The following TMEM267 variants were observed in gnomAD, a reference collection of about 807,000 sequenced individuals.
TMEM267 encodes transmembrane protein 267, also known as transmembrane protein C5orf28.
In TMEM267, 20 loss-of-function variants were observed where a neutral mutation model predicts 19.3. The ratio of observed to expected loss-of-function variants is 1.04; its 90% CI spans 0.73 to 1.51. The LOEUF is 1.51. TMEM267 is among the 40% of genes most tolerant of loss of function. TMEM267 has a pLI of 0.00. For synonymous variants in TMEM267, 88 were observed against 90.3 expected (o/e 0.97, Z 0.15); for missense variants, 242 against 261.9 (o/e 0.92, Z 0.52).
intron 1 of TMEM267, among the ~76,000 whole-genome samples, chr5:43,467,146 CAAAAAA>C (rs70994698): frequency 8.2e-5 from 4 of 49,010 alleles, no homozygotes; most frequent in Non-Finnish European, 1.8e-4. Context: ...GAGACTCTGT[CAAAAAA>C]AAAAAAAAAA....
At chr5:43,455,222 G>A (rs549709200) in intron 1 of TMEM267, among the ~76,000 whole-genome samples, 6 of 152,150 alleles carry the variant, frequency 3.9e-5, no homozygotes, top group African/African-American at 1.4e-4. Flanking sequence ...ACAGGAGCTC[G>A]AGACCAACCT....
intron 2 of TMEM267, among the ~76,000 whole-genome samples, chr5:43,452,946 G>A (rs947514764): frequency 1.3e-5 from 2 of 152,182 alleles, no homozygotes; most frequent in African/African-American, 4.8e-5. Flanking sequence ...TTCCTGAAAT[G>A]TTTATAGATC....
At chr5:43,453,527 T>C (rs1421909993) in intron 2 of TMEM267, 131 bp downstream of exon 2, 10 of 782,520 alleles carry the variant, frequency 1.3e-5, no homozygotes, top group Non-Finnish European at 2.0e-5. Context: ...TACTAAGTGG[T>C]CAAAAAGGTT....
chr5:43,461,823 C>G (rs1174466266), intron 1 of TMEM267, among the ~76,000 whole-genome samples: 1 of 152,158 alleles, frequency 6.6e-6, no homozygotes, highest in Admixed American at 6.5e-5. Context: ...CCCTGACTCC[C>G]AGATGGTACC....
At chr5:43,455,757 TGGCCA>T (rs1339250746) in intron 1 of TMEM267, among the ~76,000 whole-genome samples, 6 of 152,190 alleles carry the variant, frequency 3.9e-5, no homozygotes, top group Non-Finnish European at 7.3e-5. Flanking sequence ...TTCACCATGT[TGGCCA>T]GGCTGGTTTC....
chr5:43,477,947 G>A (rs1744526520), intron 1 of TMEM267, among the ~76,000 whole-genome samples: 1 of 152,196 alleles, frequency 6.6e-6, no homozygotes, highest in Non-Finnish European at 1.5e-5. Flanking sequence ...TCTACAGTGG[G>A]TTTGTGGGCG....
chr5:43,479,104 G>A (rs1292796366), intron 1 of TMEM267, among the ~76,000 whole-genome samples: 1 of 151,192 alleles, frequency 6.6e-6, no homozygotes, highest in Non-Finnish European at 1.5e-5. Context: ...GTATATGTCT[G>A]AAATATGGCA....
intron 1 of TMEM267, among the ~76,000 whole-genome samples, chr5:43,482,016 G>T (rs893524787): frequency 2.6e-5 from 4 of 152,110 alleles, no homozygotes; most frequent in Non-Finnish European, 5.9e-5. Context: ...CTAATTTCTT[G>T]TATTTTTAGC....
Position 43,446,531 on chromosome 5 carries a change from A to C in TMEM267, c.339T>G (p.Pro113=), listed in dbSNP as rs1393286520. ...LKAALTLPRR[P]FLHCSTVIPV... ...GAATCACAGTAGAACAGTGAAGGAA[A>C]GGTCTTCGCGGGAGAGTCAAAGCAG... Residue 113 remains proline (P), a synonymous_variant, in exon 3 of 3, where the codon CCT becomes CCG. Coordinates refer to ENST00000397080, the MANE Select transcript of TMEM267 (RefSeq NM_022483.5). 3 of 1,612,318 alleles carry C rather than the reference A, an allele frequency of 1.9e-6. No individual in the cohort carries two copies. Among genetic ancestry groups the C allele is most frequent in the Non-Finnish European group, 2.5e-6 (3 of 1,178,782 alleles).
intron 2 of TMEM267, among the ~76,000 whole-genome samples, chr5:43,449,681 A>G (rs1742465841): frequency 6.6e-6 from 1 of 152,228 alleles, no homozygotes; most frequent in South Asian, 2.1e-4. Context: ...TTTATGTACT[A>G]TAGTAATAAA....
chr5:43,482,350 G>A (rs773361793), intron 1 of TMEM267, among the ~76,000 whole-genome samples: 8 of 152,160 alleles, frequency 5.3e-5, no homozygotes, highest in Non-Finnish European at 8.8e-5. Context: ...AATTTACTAA[G>A]TGTTCTTCCT....
intron 1 of TMEM267, among the ~76,000 whole-genome samples, chr5:43,460,954 C>T (rs1157460035): frequency 6.6e-6 from 1 of 152,208 alleles, no homozygotes; most frequent in Non-Finnish European, 1.5e-5. Context: ...AGACAGTGGA[C>T]TGCGTGGGCA....
At chr5:43,457,639 C>T (rs1743028609) in intron 1 of TMEM267, among the ~76,000 whole-genome samples, 1 of 152,154 alleles carries the variant, frequency 6.6e-6, no homozygotes. Flanking sequence ...TCACCTCCCA[C>T]CAGGCTCCTC....
chr5:43,474,030 A>G (rs1744246352), intron 1 of TMEM267, among the ~76,000 whole-genome samples: 1 of 152,250 alleles, frequency 6.6e-6, no homozygotes. Context: ...ATTCCTAGTT[A>G]ATAAATGGTG....
At chr5:43,477,100 G>A (rs1480699421) in intron 1 of TMEM267, among the ~76,000 whole-genome samples, 1 of 151,578 alleles carries the variant, frequency 6.6e-6, no homozygotes, top group Non-Finnish European at 1.5e-5. Context: ...AAGGTAGAAG[G>A]ATCACATGCG....
At chr5:43,474,541 C>T (rs1399659635) in intron 1 of TMEM267, among the ~76,000 whole-genome samples, 2 of 152,124 alleles carry the variant, frequency 1.3e-5, no homozygotes, top group Admixed American at 6.5e-5. Flanking sequence ...AGGTGGATCA[C>T]CTGAGGTCGG....
chr5:43,479,914 T>C (rs1224699432), intron 1 of TMEM267: 1 of 442,022 alleles, frequency 2.3e-6, no homozygotes, highest in Non-Finnish European at 4.5e-6. Flanking sequence ...CATGAATCCT[T>C]TCTATAAACC....
chr5:43,476,980 C>G (rs1324841694), intron 1 of TMEM267, among the ~76,000 whole-genome samples: 13 of 146,356 alleles, frequency 8.9e-5, no homozygotes, highest in Non-Finnish European at 1.6e-4. Context: ...TTGCTTGAGG[C>G]CAGGAGTTTG....
At chr5:43,481,160 A>AGT (rs1744742957) in intron 1 of TMEM267, among the ~76,000 whole-genome samples, 1 of 132,106 alleles carries the variant, frequency 7.6e-6, no homozygotes, top group African/African-American at 3.0e-5. Flanking sequence ...GCTGAAGTGT[A>AGT]GTGGCACGAT....
Sources: allele counts gnomAD v4.1 joint callset (sites outside exome capture counted in the v4.1 genomes callset), GRCh38; gene constraint gnomAD v4.1.1; transcripts MANE v1.5; gene names NCBI Gene and HGNC (gene_info 2026-07-23, HGNC 2026-07-21).